Variants in RBFOX1 observed in about 807,000 individuals in gnomAD.
The protein encoded by RBFOX1 is RNA binding protein fox-1 homolog 1.
Under a neutral mutation model 57.7 loss-of-function variants are expected in RBFOX1, and 8 were observed. That is an observed-to-expected ratio of 0.14 (90% CI 0.08 to 0.25). RBFOX1 has a LOEUF of 0.25. Among genes scored for constraint, RBFOX1 ranks in the 10% least tolerant of loss-of-function variants. RBFOX1 has a pLI of 1.00. For synonymous variants in RBFOX1, 326 were observed against 222.4 expected (o/e 1.47, Z -4.15); for missense variants, 611 against 548.5 (o/e 1.11, Z -1.14).
chr16:5,255,354 C>CCATCCATCCCTCCA (rs1555468931), intron 1 of RBFOX1, among the ~76,000 whole-genome samples: 2 of 86,332 alleles, frequency 2.3e-5, no homozygotes, highest in African/African-American at 3.6e-5. Context: ...CCATCCATCC[C>CCATCCATCCCTCCA]TCCATCCATC....
rs530692681 is a variant in RBFOX1, at chr16:6,571,693, G to C, written c.-63-82910G>C. On this transcript the variant is annotated intron_variant, in intron 2 of 15. Coordinates refer to ENST00000550418, the MANE Select transcript of RBFOX1 (RefSeq NM_018723.4). ...CATGCCTCCTGAGATCCATTGAATA[G>C]AGCAAAAGGATCAGTCAGGAAATAT... 2.0e-5 allele frequency among the ~76,000 whole-genome samples: 3 copies of C among 152,256 alleles called. No homozygotes were observed. In the South Asian group the frequency reaches 6.2e-4, roughly 32 times the overall value.
chr16:6,713,055 C>T lies in RBFOX1; in HGVS notation c.-16+58405C>T, dbSNP rs538346118. Among the ~76,000 whole-genome samples, 62 of 152,082 alleles carry T rather than the reference C, an allele frequency of 4.1e-4. 3 individuals carry two copies. The South Asian group carries it at 0.013, about 32-fold the overall frequency. On this transcript the variant is annotated intron_variant, in intron 3 of 15. Transcript: ENST00000550418. ...GCTTTCCACCATGATTGTGAGGCCTCCCCAGCCATGTGAAACCATGAGTCT... is the reference window on the plus strand; with the variant it reads ...GCTTTCCACCATGATTGTGAGGCCTTCCCAGCCATGTGAAACCATGAGTCT...
chr16:5,643,298 T>C (rs2109000), intron 3 of RBFOX1, among the ~76,000 whole-genome samples: 147,466 of 152,292 alleles, frequency 0.97, 71,412 homozygotes, highest in East Asian at 1. Flanking sequence ...TGTCCTTGAT[T>C]ATCGTTTTTT....
At chr16:7,433,718 TCATCCACC>T (rs1161601558) in intron 4 of RBFOX1, among the ~76,000 whole-genome samples, 2 of 152,208 alleles carry the variant, frequency 1.3e-5, no homozygotes, top group African/African-American at 2.4e-5. Flanking sequence ...ATCCATCTGT[TCATCCACC>T]CATCCACCCA....
intron 2 of RBFOX1, among the ~76,000 whole-genome samples, chr16:6,636,722 A>T (rs757123003): frequency 1.3e-4 from 19 of 144,666 alleles, no homozygotes; most frequent in Admixed American, 2.2e-4. Flanking sequence ...ACCAATCTGG[A>T]AGTCATAAAA....
At position 6,981,508 on chromosome 16, in the gene RBFOX1, C is replaced by G. The variant is rs570857593; in HGVS notation, c.-15-70549C>G. Among the ~76,000 whole-genome samples, 3 of 152,228 alleles carry G rather than the reference C, an allele frequency of 2.0e-5. No individual in the cohort carries two copies. The East Asian group carries it at 5.8e-4, about 29-fold the overall frequency. On this transcript the variant is annotated intron_variant, in intron 3 of 15. Coordinates refer to ENST00000550418, the MANE Select transcript of RBFOX1 (RefSeq NM_018723.4). ...TCCAGTGTATTAGTCTGTTCTCATG[C>G]TGCTAATAAAGACGTACCTGAGACT...
chr16:6,841,238 C>A (rs922339985), intron 3 of RBFOX1, among the ~76,000 whole-genome samples: 2 of 152,102 alleles, frequency 1.3e-5, no homozygotes, highest in Non-Finnish European at 2.9e-5. Flanking sequence ...GGTCAGTTAT[C>A]CTGCCCATTA....
chr16:7,543,685 G>A (rs1342852073), intron 5 of RBFOX1, among the ~76,000 whole-genome samples: 2 of 87,950 alleles, frequency 2.3e-5, no homozygotes, highest in Admixed American at 1.0e-4. Context: ...GTGTGTGTGT[G>A]TGTGTGTGTG....
At chr16:7,225,128 ACGGTCATTG>A (rs1412362141) in intron 4 of RBFOX1, among the ~76,000 whole-genome samples, 1 of 152,170 alleles carries the variant, frequency 6.6e-6, no homozygotes, top group Non-Finnish European at 1.5e-5. Flanking sequence ...CATCATCATC[ACGGTCATTG>A]TCATTATCTT....
intron 3 of RBFOX1, among the ~76,000 whole-genome samples, chr16:6,932,324 C>T (rs1567947489): frequency 6.6e-6 from 1 of 152,100 alleles, no homozygotes; most frequent in Admixed American, 6.5e-5. Flanking sequence ...CCAAGCTGGT[C>T]TCAAACTCCT....
upstream of RBFOX1, among the ~76,000 whole-genome samples, chr16:6,018,862 C>G (rs572570089): frequency 6.6e-6 from 1 of 151,952 alleles, no homozygotes; most frequent in Non-Finnish European, 1.5e-5. Flanking sequence ...GCTCATTGCC[C>G]CAGCATCCAA....
rs528155754 is a variant in RBFOX1, at chr16:5,731,372, A to G, written c.318+132411A>G. On this transcript the variant is annotated intron_variant, in intron 3 of 19. Coordinates refer to the RBFOX1 transcript ENST00000641259. ...TCATATTAATCAATTCATATTTACAAAGTACTTTCTTTGTCAGGTATTATG... is the reference window on the plus strand; with the variant it reads ...TCATATTAATCAATTCATATTTACAGAGTACTTTCTTTGTCAGGTATTATG... Among the ~76,000 whole-genome samples, 28 of 152,336 alleles carry G rather than the reference A, an allele frequency of 1.8e-4. 2 individuals carry two copies. In the South Asian group the frequency reaches 5.8e-3, roughly 32 times the overall value.
At chr16:7,017,722 G>C (rs563219284) in intron 3 of RBFOX1, among the ~76,000 whole-genome samples, 1 of 152,122 alleles carries the variant, frequency 6.6e-6, no homozygotes, top group Non-Finnish European at 1.5e-5. Context: ...TTCTCTTCAC[G>C]TTTTCACAAC....
At chr16:6,923,156 C>T (rs553355736) in intron 3 of RBFOX1, among the ~76,000 whole-genome samples, 1 of 152,160 alleles carries the variant, frequency 6.6e-6, no homozygotes, top group Non-Finnish European at 1.5e-5. Context: ...CAGTGTGAGT[C>T]TGAGAATAAA....
chr16:6,891,894 G>T (rs2153378374), intron 3 of RBFOX1, among the ~76,000 whole-genome samples: 1 of 152,226 alleles, frequency 6.6e-6, no homozygotes, highest in South Asian at 2.1e-4. Context: ...AACAATCCCT[G>T]CTCATTCTTT....
chr16:6,179,901 A>G (rs147236772), intron 1 of RBFOX1, among the ~76,000 whole-genome samples: 2,193 of 152,290 alleles, frequency 0.014, 25 homozygotes, highest in South Asian at 0.05. Flanking sequence ...AGTTCTTTCT[A>G]TTCCTCGGTT....
chr16:6,860,383 A>G (rs529595796), intron 3 of RBFOX1, among the ~76,000 whole-genome samples: 2 of 152,262 alleles, frequency 1.3e-5, no homozygotes, highest in African/African-American at 4.8e-5. Context: ...TTGTTATTTC[A>G]AACTCTTCAA....
At chr16:6,873,403 A>G (rs1411716479) in intron 3 of RBFOX1, among the ~76,000 whole-genome samples, 1 of 150,514 alleles carries the variant, frequency 6.6e-6, no homozygotes, top group African/African-American at 2.5e-5. Context: ...GAATGCAATT[A>G]AAGAAGAAGT....
At chr16:7,331,112 T>C (rs1240444263) in intron 4 of RBFOX1, among the ~76,000 whole-genome samples, 1 of 152,184 alleles carries the variant, frequency 6.6e-6, no homozygotes, top group Non-Finnish European at 1.5e-5. Context: ...TGCCAAACCC[T>C]GTCCGCCGTC....
Sources: gnomAD v4.1 joint callset for allele counts (sites outside exome capture counted in the v4.1 genomes callset) on GRCh38, gnomAD v4.1.1 for gene constraint, MANE v1.5 for transcripts, NCBI Gene and HGNC (gene_info 2026-07-23, HGNC 2026-07-21) for gene names.